KANSL1: variants seen among roughly 807,000 people sequenced by gnomAD.
KANSL1 encodes MLL1/MLL complex subunit KANSL1.
KANSL1 carries 22 observed loss-of-function variants against 103.6 expected under a neutral mutation model. The observed-to-expected ratio is 0.21, with a 90% confidence interval of 0.15 to 0.30. The LOEUF is 0.30. KANSL1 is among the 10% of genes least tolerant of loss of function. The pLI, the probability that KANSL1 is intolerant of heterozygous loss-of-function variation, is 1.00. For missense variants in KANSL1, 1,337 were observed against 1,399.8 expected, an observed-to-expected ratio of 0.96 and a Z score of 0.72; for synonymous variants, 600 against 527.6, an observed-to-expected ratio of 1.14 and a Z score of -1.88.
rs2046318178 is a variant in KANSL1, at chr17:46,172,076, G to A, written c.68C>T (p.Ala23Val). 6.2e-7 allele frequency: 1 copy of A among 1,613,658 alleles called. No individual in the cohort carries two copies. Among genetic ancestry groups the A allele is most frequent in the South Asian group, 1.1e-5 (1 of 91,088 alleles). The change falls in exon 2 of 15, where the codon GCT becomes GTT. Residue 23 changes from alanine to valine, a missense_variant. By Grantham distance (64) the Ala-to-Val change is moderately conservative. Around this residue, in one of 2 missense-constraint regions of KANSL1, gnomAD observed 557 missense variants for 476.4 expected, o/e 1.17. Coordinates refer to ENST00000432791, the MANE Select transcript of KANSL1 (RefSeq NM_015443.4). ...AGGGGACAAGGTAGAGGATGGGGGAGCCAGTTTGAACCGGATATGGTGTGC... is the reference window on the plus strand; with the variant it reads ...AGGGGACAAGGTAGAGGATGGGGGAACCAGTTTGAACCGGATATGGTGTGC... Reference protein sequence around the residue: ...AEAHHIRFKLAPPSSTLSPGS... With the variant: ...AEAHHIRFKLVPPSSTLSPGS...
intron 2 of KANSL1, among the ~76,000 whole-genome samples, chr17:46,117,164 C>A (rs1034763426): frequency 3.3e-5 from 5 of 152,184 alleles, no homozygotes; most frequent in African/African-American, 7.2e-5. Context: ...AGATGACTTT[C>A]CAGGACAGGT....
At chr17:46,162,704 C>G (rs2045805573) in intron 2 of KANSL1, among the ~76,000 whole-genome samples, 1 of 152,250 alleles carries the variant, frequency 6.6e-6, no homozygotes, top group African/African-American at 2.4e-5. Flanking sequence ...CTCTATTCCC[C>G]TTCTCCACAC....
chr17:46,192,547 CT>C (rs2047389506), intron 1 of KANSL1: 1 of 153,002 alleles, frequency 6.5e-6, no homozygotes, highest in Non-Finnish European at 1.5e-5. Context: ...TTCAGGCCGC[CT>C]TTTTAAATAG....
intron 7 of KANSL1, chr17:46,040,228 CTTCTT>C (rs1468055162): frequency 3.4e-6 from 1 of 295,960 alleles, no homozygotes; most frequent in Non-Finnish European, 6.3e-6. Context: ...TTTAAGCCTA[CTTCTT>C]TTCTATCAAT....
chr17:46,046,944 T>A (rs1445842396), intron 7 of KANSL1, among the ~76,000 whole-genome samples: 1 of 151,954 alleles, frequency 6.6e-6, no homozygotes, highest in Non-Finnish European at 1.5e-5. Flanking sequence ...TGCAGTTACA[T>A]GGGCTACATA....
At chr17:46,162,515 T>C (rs938412808) in intron 2 of KANSL1, among the ~76,000 whole-genome samples, 2 of 152,234 alleles carry the variant, frequency 1.3e-5, no homozygotes, top group African/African-American at 2.4e-5. Context: ...ATCCATCCAA[T>C]GTAGTTACCC....
rs1394566538 is a variant in KANSL1 at position 46,123,837 on chromosome 17, A to T, written c.1290-29136T>A. ...ATGGAGAAGCTGTGGCAAGTTATCC[A>T]GAAGATCTAGCTAAGATCATCGATG... On this transcript the variant is annotated intron_variant, in intron 2 of 14. Transcript: ENST00000432791. Among the ~76,000 whole-genome samples, 4 of 152,260 alleles carry T rather than the reference A, an allele frequency of 2.6e-5. No homozygotes were observed. The East Asian group carries it at 5.8e-4, about 22-fold the overall frequency.
chr17:46,190,083 C>A (rs1185226243), intron 1 of KANSL1, among the ~76,000 whole-genome samples: 1 of 152,198 alleles, frequency 6.6e-6, no homozygotes, highest in Non-Finnish European at 1.5e-5. Flanking sequence ...CCTAAAACTT[C>A]TTATTCACTT....
intron 4 of KANSL1, among the ~76,000 whole-genome samples, chr17:46,081,666 T>G (rs986797442): frequency 2.6e-5 from 4 of 152,194 alleles, no homozygotes; most frequent in Admixed American, 6.5e-5. Context: ...ATAAAAGAAC[T>G]ATAAGGTTGG....
intron 2 of KANSL1, among the ~76,000 whole-genome samples, chr17:46,143,847 G>GT (rs1160644808): frequency 6.7e-6 from 1 of 149,278 alleles, no homozygotes; most frequent in African/African-American, 2.5e-5. Flanking sequence ...TATCTTCCCA[G>GT]TAGAAGAGAT....
At chr17:46,142,690 T>C (rs546191868) in intron 2 of KANSL1, among the ~76,000 whole-genome samples, 1 of 152,368 alleles carries the variant, frequency 6.6e-6, no homozygotes, top group East Asian at 1.9e-4. Flanking sequence ...CAAATTTAAG[T>C]AAAGATAGTA....
intron 1 of KANSL1, chr17:46,192,595 T>G (rs2047393827): frequency 6.5e-6 from 1 of 152,950 alleles, no homozygotes; most frequent in African/African-American, 2.4e-5. Flanking sequence ...AGGCGGCAGC[T>G]CCTGGGGAAG....
At chr17:46,136,311 C>G (rs1311213912) in intron 2 of KANSL1, among the ~76,000 whole-genome samples, 4 of 152,218 alleles carry the variant, frequency 2.6e-5, no homozygotes, top group Non-Finnish European at 5.9e-5. Flanking sequence ...TCTTACTTCT[C>G]TGAAGCCTGT....
At chr17:46,197,839 G>A (rs2047664863), upstream of KANSL1, among the ~76,000 whole-genome samples, 1 of 152,186 alleles carries the variant, frequency 6.6e-6, no homozygotes, top group Admixed American at 6.5e-5. Flanking sequence ...ATTCCAAAAA[G>A]GCACTCTCTA....
intron 6 of KANSL1, among the ~76,000 whole-genome samples, chr17:46,054,086 C>A (rs2077827443): frequency 6.6e-6 from 1 of 152,074 alleles, no homozygotes; most frequent in African/African-American, 2.4e-5. Flanking sequence ...CCACTGCACT[C>A]CAGGCCTGGG....
At chr17:46,215,964 TGGGA>T (rs2048326869) in intron 1 of KANSL1, among the ~76,000 whole-genome samples, 1 of 152,092 alleles carries the variant, frequency 6.6e-6, no homozygotes, top group Non-Finnish European at 1.5e-5. Flanking sequence ...CGCTGGAACC[TGGGA>T]GGCAGAGGCT....
At chr17:46,111,593 G>T (rs1433978452) in intron 2 of KANSL1, among the ~76,000 whole-genome samples, 1 of 152,170 alleles carries the variant, frequency 6.6e-6, no homozygotes, top group African/African-American at 2.4e-5. Context: ...GATACGGATG[G>T]TATTTGAACT....
At chr17:46,210,684 T>C (rs1170051586) in intron 1 of KANSL1, among the ~76,000 whole-genome samples, 1 of 152,152 alleles carries the variant, frequency 6.6e-6, no homozygotes, top group Non-Finnish European at 1.5e-5. Context: ...ATACAGAGAA[T>C]TCCCCATTTT....
At chr17:46,058,033 T>C (rs1179416332) in intron 6 of KANSL1, among the ~76,000 whole-genome samples, 3 of 152,210 alleles carry the variant, frequency 2.0e-5, no homozygotes, top group Non-Finnish European at 4.4e-5. Context: ...GGAGAGGATC[T>C]GAAGCAGAGT....
Sources: allele counts gnomAD v4.1 joint callset (sites outside exome capture counted in the v4.1 genomes callset), GRCh38; gene constraint gnomAD v4.1.1; regional missense constraint gnomAD v4.1.1; transcripts MANE v1.5; gene names NCBI Gene and HGNC (gene_info 2026-07-23, HGNC 2026-07-21).